The following DZIP1L variants were observed in gnomAD, a reference collection of about 807,000 sequenced individuals.
DZIP1L encodes the protein cilium assembly protein DZIP1L.
Under a neutral mutation model 88.7 loss-of-function variants are expected in DZIP1L, and 90 were observed. The observed-to-expected ratio is 1.02, with a 90% confidence interval of 0.86 to 1.21. The LOEUF is 1.21. Among genes scored for constraint, DZIP1L ranks in the 50% most tolerant of loss-of-function variants. The pLI is 0.00. For missense variants in DZIP1L, 932 were observed against 955.8 expected (o/e 0.98, Z 0.33); for synonymous variants, 363 against 372.1 (o/e 0.98, Z 0.28).
Position 138,097,862 on chromosome 3 carries a change from A to G in DZIP1L, c.502-15T>C. On this transcript the variant is annotated splice_polypyrimidine_tract_variant and intron_variant, in intron 2 of 15. Coordinates refer to ENST00000327532, the MANE Select transcript of DZIP1L (RefSeq NM_173543.3). ...CACAGGTGGCACTATACAGAGAGGA[A>G]GCAATGGGGAGTACAAGATTAGGTC... 1 of 1,603,980 alleles carries G rather than the reference A, an allele frequency of 6.2e-7. No individual in the cohort carries two copies. The highest frequency in any genetic ancestry group is 8.5e-7 in the Non-Finnish European group (1 of 1,174,008).
chr3:138,102,326 C>T (rs536371015), intron 2 of DZIP1L: 74 of 1,311,458 alleles, frequency 5.6e-5, no homozygotes, highest in Middle Eastern at 5.0e-4. Flanking sequence ...CCACATCTTT[C>T]TCGATGAAGG....
intron 9 of DZIP1L, among the ~76,000 whole-genome samples, chr3:138,081,417 C>G (rs1038202668): frequency 6.6e-6 from 1 of 152,178 alleles, no homozygotes; most frequent in South Asian, 2.1e-4. Context: ...CCTGATTTTA[C>G]TCATTCGCTG....
At chr3:138,103,114 T>TCACA (rs59775144) in intron 2 of DZIP1L, among the ~76,000 whole-genome samples, 1 of 150,956 alleles carries the variant, frequency 6.6e-6, no homozygotes. Context: ...CTTCAAGTAT[T>TCACA]CACACACACA....
At chr3:138,068,048 C>T in intron 13 of DZIP1L, 103 bp downstream of exon 13, 1 of 1,048,958 alleles carries the variant, frequency 9.5e-7, no homozygotes, top group East Asian at 3.1e-5. Flanking sequence ...ATGTGTCTGC[C>T]CCCCTCCTAT....
rs377100025 is a variant in DZIP1L, at chr3:138,103,451, G to A, written c.501+20C>T. ...GGCACACAGCCCTCCCACTCTCCCT[G>A]CCTGGTGGAGATTCCTCACCGTGTG... On this transcript the variant is annotated intron_variant, in intron 2 of 15. Coordinates refer to ENST00000327532, the MANE Select transcript of DZIP1L (RefSeq NM_173543.3). 4 of 1,579,800 alleles carry A rather than the reference G, an allele frequency of 2.5e-6. No homozygotes were observed. Among genetic ancestry groups the A allele is most frequent in the Non-Finnish European group, 2.6e-6 (3 of 1,160,930 alleles).
At chr3:138,082,880 G>A (rs1246401791) in intron 8 of DZIP1L, among the ~76,000 whole-genome samples, 2 of 152,166 alleles carry the variant, frequency 1.3e-5, no homozygotes, top group Non-Finnish European at 2.9e-5. Context: ...TGCCAAATAT[G>A]GTTGTATGGT....
At chr3:138,087,519 A>C (rs745458081) in intron 6 of DZIP1L, among the ~76,000 whole-genome samples, 2 of 152,234 alleles carry the variant, frequency 1.3e-5, no homozygotes, top group Non-Finnish European at 2.9e-5. Context: ...CAACTAGAAC[A>C]ACAAAGGGCT....
intron 1 of DZIP1L, chr3:138,113,372 C>T (rs758151769): frequency 6.6e-6 from 1 of 152,210 alleles, no homozygotes; most frequent in Non-Finnish European, 1.5e-5. Flanking sequence ...ACAACAACAA[C>T]AACATCACCA....
rs554389819 is a variant in DZIP1L, at chr3:138,068,078, G to A, written c.1832+73C>T. 203 of 1,318,094 alleles carry A rather than the reference G, an allele frequency of 1.5e-4. 5 individuals are homozygous for A. The Middle Eastern group carries it at 2.0e-3, about 13-fold the overall frequency. 81.6% of individuals were successfully genotyped at this position (1,318,094 alleles called of 1,614,324 possible). On this transcript the variant is annotated intron_variant, in intron 13 of 15. Coordinates refer to ENST00000327532, the MANE Select transcript of DZIP1L (RefSeq NM_173543.3). ...TCCTATCTGCAGAAGCCTGGAGGGAGCCCAGAACAGGACTGCCTGAATCCA... is the reference window on the plus strand; with the variant it reads ...TCCTATCTGCAGAAGCCTGGAGGGAACCCAGAACAGGACTGCCTGAATCCA...
At chr3:138,081,579 G>A (rs1000334824) in intron 9 of DZIP1L, among the ~76,000 whole-genome samples, 155 bp downstream of exon 9, 45 of 152,356 alleles carry the variant, frequency 3.0e-4, no homozygotes, top group African/African-American at 1.0e-3. Flanking sequence ...AAACAGAGCT[G>A]CAGCCTGTGT....
chr3:138,111,583 T>G (rs2042620986), intron 1 of DZIP1L, among the ~76,000 whole-genome samples: 1 of 152,214 alleles, frequency 6.6e-6, no homozygotes, highest in South Asian at 2.1e-4. Context: ...CACTCCCAAC[T>G]ACACAGAATT....
At chr3:138,092,250 G>C (rs1204472063) in intron 5 of DZIP1L, 133 bp downstream of exon 5, 1 of 987,172 alleles carries the variant, frequency 1.0e-6, no homozygotes, top group Non-Finnish European at 1.4e-6. Context: ...TCTAATATCA[G>C]GCCTCTGATA....
At chr3:138,098,664 A>G (rs182077163) in intron 2 of DZIP1L, among the ~76,000 whole-genome samples, 11 of 152,314 alleles carry the variant, frequency 7.2e-5, no homozygotes, top group African/African-American at 2.6e-4. Flanking sequence ...GGTAATAGTA[A>G]GTCTGTGGCC....
At chr3:138,113,904 C>A (rs191602108) in intron 1 of DZIP1L, among the ~76,000 whole-genome samples, 13 of 152,094 alleles carry the variant, frequency 8.5e-5, no homozygotes, top group Non-Finnish European at 1.9e-4. Context: ...TTGCCACAAA[C>A]GGATTTTATT....
chr3:138,075,822 G>C (rs1251858136), intron 11 of DZIP1L, among the ~76,000 whole-genome samples: 1 of 152,150 alleles, frequency 6.6e-6, no homozygotes, highest in African/African-American at 2.4e-5. Flanking sequence ...TACTGGGTGG[G>C]GTGGCACGTG....
intron 8 of DZIP1L, 53 bp downstream of exon 8, chr3:138,084,059 CA>C (rs1943804007): frequency 2.5e-6 from 4 of 1,590,622 alleles, no homozygotes; most frequent in Non-Finnish European, 3.4e-6. Context: ...GAGATCCTCA[CA>C]GGAAAGAGGC....
rs1263209828 is a variant in DZIP1L, at chr3:138,086,993, G to A, written c.1030C>T (p.Leu344=). The change falls in exon 7 of 16, where the codon CTG becomes TTG. Residue 344 remains leucine, a synonymous_variant. Transcript: ENST00000327532. ...TTCTCAGCCATGTGCTCTTCATGCA[G>A]TTCCTTCACTTTTCTTTTCCACTCC... The part of the protein sequence containing the change: ...KTEWKRKVKE[L]HEEHMAEKKE... The A allele has an allele frequency of 1.9e-6, 3 of 1,613,976 alleles. No homozygotes were observed. The highest frequency in any genetic ancestry group is 1.7e-5 in the Admixed American group (1 of 59,988).
At chr3:138,105,321 C>T (rs1034850640) in intron 1 of DZIP1L, among the ~76,000 whole-genome samples, 1 of 151,650 alleles carries the variant, frequency 6.6e-6, no homozygotes, top group African/African-American at 2.4e-5. Flanking sequence ...GTCAGATAGA[C>T]AGGTAAATAG....
chr3:138,102,602 T>C (rs922967759), intron 2 of DZIP1L: 4 of 1,472,324 alleles, frequency 2.7e-6, no homozygotes, highest in African/African-American at 2.8e-5. Flanking sequence ...ACCTTGTCTA[T>C]GAAGGAGGCA....
Sources: allele counts gnomAD v4.1 joint callset (sites outside exome capture counted in the v4.1 genomes callset), GRCh38; gene constraint gnomAD v4.1.1; transcripts MANE v1.5; gene names NCBI Gene and HGNC (gene_info 2026-07-23, HGNC 2026-07-21).